The following NPM1 variants were observed in gnomAD, a reference collection of about 807,000 sequenced individuals.
NPM1 encodes the protein nucleophosmin.
In NPM1, 1 loss-of-function variant was observed where a neutral mutation model predicts 44.1. That is an observed-to-expected ratio of 0.02 (90% CI 0.01 to 0.11). The LOEUF is 0.11. NPM1 is among the 10% of genes least tolerant of loss of function. The pLI, the probability that NPM1 is intolerant of heterozygous loss-of-function variation, is 1.00. For synonymous variants in NPM1, 126 were observed against 111.8 expected, an observed-to-expected ratio of 1.13 and a Z score of -0.80; for missense variants, 197 against 347.8, an observed-to-expected ratio of 0.57 and a Z score of 3.45.
At chr5:171,388,510 C>A (rs550909487) in intron 1 of NPM1, among the ~76,000 whole-genome samples, 2 of 149,020 alleles carry the variant, frequency 1.3e-5, no homozygotes, top group South Asian at 4.3e-4. Context: ...ACCTCGCGTG[C>A]TTCGGCCAGT....
At chr5:171,391,148 ATTC>A in intron 2 of NPM1, 154 bp from the exon 3 acceptor site, 3 of 829,630 alleles carry the variant, frequency 3.6e-6, no homozygotes, top group Non-Finnish European at 1.9e-6. Flanking sequence ...GTATAAGCAC[ATTC>A]TTATGATTGT....
At chr5:171,401,366 G>C (rs544637056) in intron 8 of NPM1, among the ~76,000 whole-genome samples, 9 of 151,772 alleles carry the variant, frequency 5.9e-5, no homozygotes, top group South Asian at 2.1e-4. Context: ...AAAAAAATCA[G>C]CTTGTTGTGT....
At chr5:171,397,130 A>G (rs984502048) in intron 6 of NPM1, among the ~76,000 whole-genome samples, 22 of 152,176 alleles carry the variant, frequency 1.4e-4, no homozygotes, top group East Asian at 5.8e-4. Flanking sequence ...AACTTTGTCT[A>G]TAGGTTTCCT....
intron 9 of NPM1, chr5:171,405,817 T>A (rs987932579): frequency 9.6e-6 from 2 of 207,664 alleles, no homozygotes. Context: ...TAGTTAATAT[T>A]CATGATTGAC....
intron 6 of NPM1, among the ~76,000 whole-genome samples, chr5:171,396,281 A>G (rs1177885996): frequency 1.3e-5 from 2 of 152,216 alleles, no homozygotes; most frequent in Non-Finnish European, 2.9e-5. Context: ...ACACCCTGCC[A>G]GTAAAGCTGT....
At chr5:171,397,210 A>G (rs566033478) in intron 6 of NPM1, among the ~76,000 whole-genome samples, 3 of 152,308 alleles carry the variant, frequency 2.0e-5, no homozygotes, top group South Asian at 4.1e-4. Context: ...AGTTTCATCC[A>G]TGTTATAGCA....
chr5:171,396,383 T>A (rs532359100), intron 6 of NPM1, among the ~76,000 whole-genome samples: 2 of 152,366 alleles, frequency 1.3e-5, no homozygotes, highest in African/African-American at 4.8e-5. Context: ...CATTCTCATC[T>A]TGTTTCTAGC....
intron 4 of NPM1, among the ~76,000 whole-genome samples, chr5:171,392,345 C>T (rs1295152606): frequency 2.0e-5 from 3 of 152,102 alleles, no homozygotes; most frequent in Non-Finnish European, 2.9e-5. Context: ...TCACCTCAGC[C>T]TCTGGAATAG....
At chr5:171,392,854 G>A in intron 5 of NPM1, 38 bp downstream of exon 5, 1 of 1,613,150 alleles carries the variant, frequency 6.2e-7, no homozygotes, top group Non-Finnish European at 8.5e-7. Context: ...TTGTATTATA[G>A]CTTTTAGTTT....
chr5:171,392,641 A>G (rs894950046), intron 4 of NPM1, 69 bp from the exon 5 acceptor site: 14 of 906,438 alleles, frequency 1.5e-5, no homozygotes, highest in Middle Eastern at 3.0e-4. Context: ...AGTATTTACT[A>G]TCAGTGTTCT....
At chr5:171,391,557 A>C (rs1279111389) in intron 3 of NPM1, 133 bp downstream of exon 3, 2 of 1,238,804 alleles carry the variant, frequency 1.6e-6, no homozygotes, top group Non-Finnish European at 1.2e-6. Flanking sequence ...TCGATGGTCA[A>C]CTCTTGAACA....
chr5:171,390,949 C>T lies in NPM1; in HGVS notation c.139-356C>T, dbSNP rs576411196. On this transcript the variant is annotated intron_variant, in intron 2 of 10. Transcript: ENST00000296930. Reference sequence around the variant, plus strand: ...ATGTTGTCCAGGCTGGTCTCAAACTCCTGACCTCATGATCTGCCCGCCTCA... The same window carrying T: ...ATGTTGTCCAGGCTGGTCTCAAACTTCTGACCTCATGATCTGCCCGCCTCA... 8.7e-5 allele frequency: 14 copies of T among 160,530 alleles called. No homozygotes were observed. The South Asian group carries it at 9.4e-4, about 11-fold the overall frequency. 9.9% of individuals were successfully genotyped at this position (160,530 alleles called of 1,614,324 possible).
chr5:171,395,720 A>G (rs1243070665), intron 6 of NPM1, among the ~76,000 whole-genome samples: 1 of 152,202 alleles, frequency 6.6e-6, no homozygotes, highest in Non-Finnish European at 1.5e-5. Context: ...AGGTGCATGA[A>G]GGTTCGTTAT....
At chr5:171,406,598 T>A (rs1348026701) in intron 9 of NPM1, 33 of 1,394,576 alleles carry the variant, frequency 2.4e-5, no homozygotes, top group Non-Finnish European at 2.8e-5. Context: ...TAAAGCACTT[T>A]CTTCTGACTG....
intron 9 of NPM1, 46 bp from the exon 10 acceptor site, chr5:171,407,654 C>T (rs116674271): frequency 2.2e-5 from 23 of 1,039,056 alleles, no homozygotes; most frequent in African/African-American, 1.7e-4. Flanking sequence ...GTATCTCTCT[C>T]GGTGTATTTC....
chr5:171,387,816 A>T, upstream of NPM1: 2 of 785,318 alleles, frequency 2.5e-6, no homozygotes, highest in Non-Finnish European at 4.3e-6. Flanking sequence ...CGAGATCTTC[A>T]GGGTCTATAT....
At chr5:171,392,882 T>G in intron 5 of NPM1, 32 bp from the exon 6 acceptor site, 3 of 1,613,012 alleles carry the variant, frequency 1.9e-6, no homozygotes, top group Non-Finnish European at 1.7e-6. Context: ...GAACAGCTCT[T>G]GTTCATGAGT....
chr5:171,406,293 G>A, intron 9 of NPM1: 1 of 997,386 alleles, frequency 1.0e-6, no homozygotes, highest in Non-Finnish European at 1.6e-6. Flanking sequence ...AGCCTTCCTG[G>A]TTATCACTGA....
At chr5:171,387,833 G>GC, upstream of NPM1, 2 of 958,988 alleles carry the variant, frequency 2.1e-6, no homozygotes, top group Non-Finnish European at 1.6e-6. Flanking sequence ...ATATATAAGC[G>GC]CGGGGAGCCT....
Sources: allele counts gnomAD v4.1 joint callset (sites outside exome capture counted in the v4.1 genomes callset), GRCh38; gene constraint gnomAD v4.1.1; transcripts MANE v1.5; gene names NCBI Gene and HGNC (gene_info 2026-07-23, HGNC 2026-07-21).